IGF1R: variants seen among roughly 807,000 people sequenced by gnomAD.
IGF1R encodes insulin-like growth factor 1 receptor.
A neutral mutation model predicts 144.6 loss-of-function variants in IGF1R; 44 were observed. The ratio of observed to expected loss-of-function variants is 0.30; its 90% CI spans 0.24 to 0.39. IGF1R has a LOEUF of 0.39. Among genes scored for constraint, IGF1R ranks in the 10% least tolerant of loss-of-function variants. The pLI, the probability that IGF1R is intolerant of heterozygous loss-of-function variation, is 1.00. For missense variants in IGF1R, 1,355 were observed against 1,833.7 expected, an observed-to-expected ratio of 0.74 and a Z score of 4.77; for synonymous variants, 795 against 722.8, an observed-to-expected ratio of 1.10 and a Z score of -1.60.
chr15:98,923,748 T>G, intron 11 of IGF1R, 128 bp from the exon 12 acceptor site: 1 of 774,026 alleles, frequency 1.3e-6, no homozygotes. Context: ...GGCGTTATTC[T>G]CAGTGTACGT....
In IGF1R at chr15:98,846,346, A is replaced by G. The variant is rs541341507; in HGVS notation, c.641-44979A>G. Among the ~76,000 whole-genome samples, 6 of 152,368 alleles carry G rather than the reference A, an allele frequency of 3.9e-5. No individual in the cohort carries two copies. In the South Asian group the frequency reaches 8.3e-4, roughly 21 times the overall value. Reference sequence around the variant, plus strand: ...CAAGGTATCATTGGATGCATTGACCAGGATGAAGACACAACAGTATGGCCT... The same window carrying G: ...CAAGGTATCATTGGATGCATTGACCGGGATGAAGACACAACAGTATGGCCT... On this transcript the variant is annotated intron_variant, in intron 2 of 20. Coordinates refer to ENST00000650285, the MANE Select transcript of IGF1R (RefSeq NM_000875.5).
At chr15:98,662,576 T>G (rs1346642889) in intron 1 of IGF1R, among the ~76,000 whole-genome samples, 1 of 152,130 alleles carries the variant, frequency 6.6e-6, no homozygotes, top group Non-Finnish European at 1.5e-5. Flanking sequence ...ATGATTTTTT[T>G]TTTTTACTCG....
At chr15:98,766,613 G>A (rs2055442707) in intron 2 of IGF1R, among the ~76,000 whole-genome samples, 2 of 152,042 alleles carry the variant, frequency 1.3e-5, no homozygotes, top group Admixed American at 1.3e-4. Flanking sequence ...AACTCTCTGG[G>A]GGTCCATACA....
At chr15:98,821,792 A>G (rs967959352) in intron 2 of IGF1R, among the ~76,000 whole-genome samples, 23 of 152,204 alleles carry the variant, frequency 1.5e-4, no homozygotes, top group Non-Finnish European at 5.9e-5. Context: ...AGGAGCCAAG[A>G]CTAGAAGTGT....
chr15:98,821,907 T>A (rs1327165046), intron 2 of IGF1R, among the ~76,000 whole-genome samples: 2 of 152,188 alleles, frequency 1.3e-5, no homozygotes, highest in African/African-American at 4.8e-5. Context: ...GATGGCTTCT[T>A]AATTCCCACT....
At chr15:98,853,436 A>C (rs541653951) in intron 2 of IGF1R, among the ~76,000 whole-genome samples, 7 of 152,328 alleles carry the variant, frequency 4.6e-5, no homozygotes, top group African/African-American at 1.4e-4. Context: ...CACAGGCTCC[A>C]AGCAGGAAGC....
intron 2 of IGF1R, among the ~76,000 whole-genome samples, chr15:98,766,312 C>G (rs904185100): frequency 1.2e-4 from 19 of 152,208 alleles, no homozygotes; most frequent in African/African-American, 4.6e-4. Flanking sequence ...AAATCCCTTT[C>G]GTCTCCCACC....
chr15:98,936,012 G>T (rs2151709407), intron 17 of IGF1R, among the ~76,000 whole-genome samples: 1 of 152,208 alleles, frequency 6.6e-6, no homozygotes, highest in East Asian at 1.9e-4. Flanking sequence ...TTGCATCTGG[G>T]AAGTTGCTGG....
At chr15:98,777,932 G>A (rs2141385747) in intron 2 of IGF1R, among the ~76,000 whole-genome samples, 1 of 152,322 alleles carries the variant, frequency 6.6e-6, no homozygotes, top group South Asian at 2.1e-4. Context: ...GGAGAAGAAA[G>A]TAAAACCTTA....
intron 2 of IGF1R, among the ~76,000 whole-genome samples, chr15:98,732,035 C>T (rs550145115): frequency 8.5e-5 from 13 of 152,328 alleles, no homozygotes; most frequent in Admixed American, 2.6e-4. Flanking sequence ...TGCTGATTTC[C>T]GCCTCTGCAA....
intron 2 of IGF1R, among the ~76,000 whole-genome samples, chr15:98,798,102 C>G (rs2056288364): frequency 6.6e-6 from 1 of 152,046 alleles, no homozygotes; most frequent in South Asian, 2.1e-4. Flanking sequence ...TTCCTGGTGT[C>G]AGGGTTATAG....
In IGF1R at chr15:98,735,104, G is replaced by A. The variant is rs143216054; in HGVS notation, c.640+26997G>A. Among the ~76,000 whole-genome samples, 163 of 152,330 alleles carry A rather than the reference G, an allele frequency of 1.1e-3. 1 individual carries two copies. The East Asian group carries it at 0.022, about 20-fold the overall frequency. ...AGTTCCGAAGCTGGGGAAGGTGGAA[G>A]TGCTGTTAACTGACTTGTCCCATGT... On this transcript the variant is annotated intron_variant, in intron 2 of 20. Transcript: ENST00000650285.
At chr15:98,860,863 A>G (rs1358063129) in intron 2 of IGF1R, among the ~76,000 whole-genome samples, 1 of 152,218 alleles carries the variant, frequency 6.6e-6, no homozygotes, top group Non-Finnish European at 1.5e-5. Flanking sequence ...TAAGCTTGTT[A>G]GAGTTATGTG....
At chr15:98,874,320 T>C (rs1232459722) in intron 2 of IGF1R, among the ~76,000 whole-genome samples, 1 of 152,144 alleles carries the variant, frequency 6.6e-6, no homozygotes, top group African/African-American at 2.4e-5. Context: ...GAGGCTTTAC[T>C]TAGACTAGCA....
At chr15:98,662,520 G>C (rs942124115) in intron 1 of IGF1R, among the ~76,000 whole-genome samples, 2 of 152,112 alleles carry the variant, frequency 1.3e-5, no homozygotes, top group African/African-American at 2.4e-5. Flanking sequence ...TAGATTATTT[G>C]AGGGCCTCCA....
At chr15:98,954,916 G>A (rs1468532065) in intron 20 of IGF1R, among the ~76,000 whole-genome samples, 2 of 152,212 alleles carry the variant, frequency 1.3e-5, no homozygotes, top group Admixed American at 1.3e-4. Flanking sequence ...ACAGTTAGGT[G>A]AGGGAGGGTC....
intron 2 of IGF1R, among the ~76,000 whole-genome samples, chr15:98,795,309 T>TAA (rs2056214178): frequency 6.6e-6 from 1 of 152,232 alleles, no homozygotes; most frequent in South Asian, 2.1e-4. Context: ...TTCATGTATT[T>TAA]TTTTGGTCTT....
intron 2 of IGF1R, among the ~76,000 whole-genome samples, chr15:98,770,415 C>G (rs1282666374): frequency 6.6e-6 from 1 of 152,070 alleles, no homozygotes; most frequent in Non-Finnish European, 1.5e-5. Context: ...AATAGGGTGA[C>G]TATCGTTAAC....
intron 19 of IGF1R, among the ~76,000 whole-genome samples, chr15:98,946,204 G>A (rs938446983): frequency 7.3e-5 from 11 of 151,480 alleles, no homozygotes; most frequent in East Asian, 5.9e-4. Context: ...GGGGCGGGGC[G>A]GGGCAGGGGT....
Sources: allele counts gnomAD v4.1 joint callset (sites outside exome capture counted in the v4.1 genomes callset), GRCh38; gene constraint gnomAD v4.1.1; transcripts MANE v1.5; gene names NCBI Gene and HGNC (gene_info 2026-07-23, HGNC 2026-07-21).